MTF2: variants seen among roughly 807,000 people sequenced by gnomAD.
MTF2 encodes the protein metal-response element-binding transcription factor 2.
MTF2 carries 11 observed loss-of-function variants against 79.5 expected under a neutral mutation model. The ratio of observed to expected loss-of-function variants is 0.14; its 90% CI spans 0.09 to 0.23. MTF2 has a LOEUF of 0.23. Among genes scored for constraint, MTF2 ranks in the 10% least tolerant of loss-of-function variants. The pLI, the probability that MTF2 is intolerant of heterozygous loss-of-function variation, is 1.00. For missense variants in MTF2, 486 were observed against 711.2 expected (o/e 0.68, Z 3.60); for synonymous variants, 208 against 232.8 (o/e 0.89, Z 0.97).
intron 1 of MTF2, among the ~76,000 whole-genome samples, chr1:93,095,573 T>C (rs1274229890): frequency 1.3e-5 from 2 of 151,966 alleles, no homozygotes; most frequent in African/African-American, 2.4e-5. Context: ...ACTCCTGACC[T>C]CAGTGATCCG....
At chr1:93,113,457 T>C (rs1372430626) in intron 3 of MTF2, among the ~76,000 whole-genome samples, 1 of 151,668 alleles carries the variant, frequency 6.6e-6, no homozygotes, top group African/African-American at 2.4e-5. Flanking sequence ...ATAGCAGAAA[T>C]ACAAAAGACA....
intron 11 of MTF2, among the ~76,000 whole-genome samples, chr1:93,132,119 A>C (rs1331191598): frequency 6.6e-6 from 1 of 152,160 alleles, no homozygotes; most frequent in Non-Finnish European, 1.5e-5. Flanking sequence ...GATAGCTGAG[A>C]GGCTTGTACA....
intron 9 of MTF2, among the ~76,000 whole-genome samples, chr1:93,124,051 T>C (rs1189460410): frequency 6.6e-6 from 1 of 152,052 alleles, no homozygotes; most frequent in Admixed American, 6.5e-5. Flanking sequence ...AAATGTAACA[T>C]TCATGTATCA....
chr1:93,119,375 A>G lies in MTF2; in HGVS notation c.771A>G (p.Glu257=). The G allele has an allele frequency of 6.2e-7, 1 of 1,606,630 alleles. No individual in the cohort carries two copies. Among genetic ancestry groups the G allele is most frequent in the Non-Finnish European group, 8.5e-7 (1 of 1,177,250 alleles). The change falls in exon 8 of 15, where the codon GAA becomes GAG. Residue 257 remains glutamate (E), a synonymous_variant. Coordinates refer to ENST00000370298, the MANE Select transcript of MTF2 (RefSeq NM_007358.4). ...GCTCTGTCTGCAGTTCTGGACCAGA[A>G]TACCTCAAACGTCTACCATTACAGT... ...FICSVCSSGP[E]YLKRLPLQWV...
intron 1 of MTF2, among the ~76,000 whole-genome samples, chr1:93,084,694 C>A (rs958793152): frequency 6.6e-6 from 1 of 152,026 alleles, no homozygotes; most frequent in Non-Finnish European, 1.5e-5. Flanking sequence ...GTACAATTCT[C>A]GAACTTCTTC....
At chr1:93,123,816 C>CTT (rs78978620) in intron 9 of MTF2, among the ~76,000 whole-genome samples, 3 of 110,506 alleles carry the variant, frequency 2.7e-5, no homozygotes, top group Non-Finnish European at 3.8e-5. Flanking sequence ...ATTTTAAAGA[C>CTT]TTTTTTTTTT....
At chr1:93,094,194 T>C (rs531782951) in intron 1 of MTF2, among the ~76,000 whole-genome samples, 1 of 152,278 alleles carries the variant, frequency 6.6e-6, no homozygotes, top group South Asian at 2.1e-4. Flanking sequence ...TCTCCACTTT[T>C]TTTCTGTTTT....
intron 11 of MTF2, among the ~76,000 whole-genome samples, chr1:93,132,350 G>GA (rs143716815): frequency 4.6e-5 from 7 of 151,582 alleles, no homozygotes; most frequent in South Asian, 2.1e-4. Flanking sequence ...TTATGAATCA[G>GA]AAAAAAAAAT....
At position 93,133,781 on chromosome 1, in the gene MTF2, G is replaced by T. The variant is rs1261537761; in HGVS notation, c.1239G>T (p.Met413Ile). The change falls in exon 12 of 15, where the codon ATG becomes ATT. Residue 413 changes from methionine (M) to isoleucine (I), a missense_variant. Met to Ile is a conservative substitution (Grantham distance 10, BLOSUM62 1). This residue lies in a region of MTF2 where 209 missense variants were observed against 206.5 expected (regional missense o/e 1.01). Transcript: ENST00000370298. ...CACCTGGCCCATATACAAGAAAAAT[G>T]ATTCAAAAAACTGCTGAGCCACTTT... ...GRPPGPYTRK[M>I]IQKTAEPLLD... is the part of the protein sequence containing the mutation. 3.7e-6 allele frequency: 6 copies of T among 1,611,022 alleles called. No homozygotes were observed. The highest frequency in any genetic ancestry group is 5.1e-6 in the Non-Finnish European group (6 of 1,178,524).
At chr1:93,083,604 G>T (rs931370837) in intron 1 of MTF2, among the ~76,000 whole-genome samples, 4 of 152,130 alleles carry the variant, frequency 2.6e-5, no homozygotes, top group African/African-American at 9.7e-5. Flanking sequence ...TACTGGGTCA[G>T]ATGATAACTC....
chr1:93,112,043 T>C (rs181115076), intron 3 of MTF2, among the ~76,000 whole-genome samples: 1 of 152,292 alleles, frequency 6.6e-6, no homozygotes, highest in East Asian at 1.9e-4. Flanking sequence ...AAAACCAATG[T>C]TACATAGAGA....
rs1423585715 is a variant in MTF2, at chr1:93,119,320, T to C, written c.729-13T>C. Reference sequence around the variant, plus strand: ...CTCAGTATAAAACTTTTTCTTTTTTTTTTTTTTCTTAGATTTTATACGTTT... The same window carrying C: ...CTCAGTATAAAACTTTTTCTTTTTTCTTTTTTTCTTAGATTTTATACGTTT... On this transcript the variant is annotated splice_polypyrimidine_tract_variant and intron_variant, in intron 7 of 14. Coordinates refer to ENST00000370298, the MANE Select transcript of MTF2 (RefSeq NM_007358.4). The C allele has an allele frequency of 1.9e-6, 3 of 1,550,252 alleles. No individual in the cohort carries two copies. The highest frequency in any genetic ancestry group is 2.0e-5 in the Admixed American group (1 of 49,610).
At chr1:93,121,252 A>G (rs193129326) in intron 9 of MTF2, 9 of 942,996 alleles carry the variant, frequency 9.5e-6, no homozygotes, top group Middle Eastern at 1.1e-3. Flanking sequence ...AAATGAATTT[A>G]AAAGTAATGT....
intron 6 of MTF2, among the ~76,000 whole-genome samples, chr1:93,117,054 T>C (rs2101068129): frequency 6.6e-6 from 1 of 152,316 alleles, no homozygotes; most frequent in Admixed American, 6.5e-5. Context: ...TGAAATATTA[T>C]GGGAATTTCC....
At position 93,096,434 on chromosome 1, in the gene MTF2, ACG is replaced by A. The variant is rs1655289521; in HGVS notation, c.6-13795_6-13794del. Reference sequence around the variant, plus strand: ...ATCTTAATAGCCAGCTGCTTCCTAGACGTCATGAATAATATTTCCCAAATGTT... The same window carrying A: ...ATCTTAATAGCCAGCTGCTTCCTAGATCATGAATAATATTTCCCAAATGTT... On this transcript the variant is annotated intron_variant, in intron 1 of 14. Transcript: ENST00000370298. Among the ~76,000 whole-genome samples, 5 of 152,074 alleles carry A rather than the reference ACG, an allele frequency of 3.3e-5. No homozygotes were observed. The South Asian group carries it at 1.0e-3, about 32-fold the overall frequency.
chr1:93,104,061 C>T (rs1188465394), intron 1 of MTF2, among the ~76,000 whole-genome samples: 2 of 151,448 alleles, frequency 1.3e-5, no homozygotes, highest in East Asian at 1.9e-4. Flanking sequence ...ACCTCAGCCT[C>T]CTGAGTAGCT....
At chr1:93,102,903 G>C (rs925448508) in intron 1 of MTF2, among the ~76,000 whole-genome samples, 2 of 152,008 alleles carry the variant, frequency 1.3e-5, no homozygotes, top group Non-Finnish European at 2.9e-5. Flanking sequence ...AGGCCGAGGC[G>C]GGCAAATCAC....
intron 1 of MTF2, among the ~76,000 whole-genome samples, chr1:93,103,086 C>G (rs978583901): frequency 4.0e-5 from 6 of 150,442 alleles, no homozygotes; most frequent in Non-Finnish European, 8.9e-5. Context: ...GAGCCAAGAT[C>G]GCACCACTGC....
Position 93,114,942 on chromosome 1 carries a change from A to AT in MTF2, c.383-46_383-45insT, listed in dbSNP as rs746854051. ...AATGCATTCTTGAAATTGTGTTGAAAGTATTAATGAAACCGAATTTGCTTT... is the reference window on the plus strand; with the variant it reads ...AATGCATTCTTGAAATTGTGTTGAAATGTATTAATGAAACCGAATTTGCTTT... On this transcript the variant is annotated intron_variant, in intron 4 of 14. Transcript: ENST00000370298. The AT allele has an allele frequency of 4.3e-6, 6 of 1,396,402 alleles. No homozygotes were observed. The Admixed American group carries it at 1.1e-4, about 27-fold the overall frequency. 86.5% of individuals were successfully genotyped at this position (1,396,402 alleles called of 1,614,324 possible). A position where few individuals can be genotyped will look rare whatever the true frequency, so the allele number is the denominator to read the frequency against.
Sources: gnomAD v4.1 joint callset for allele counts (sites outside exome capture counted in the v4.1 genomes callset) on GRCh38, gnomAD v4.1.1 for gene constraint, gnomAD v4.1.1 regional missense constraint, MANE v1.5 for transcripts, NCBI Gene and HGNC (gene_info 2026-07-23, HGNC 2026-07-21) for gene names.